The following KIAA1217 variants were observed in gnomAD, a reference collection of about 807,000 sequenced individuals.
KIAA1217 encodes the protein KIAA1217.
In KIAA1217, 88 loss-of-function variants were observed where a neutral mutation model predicts 163.9. The ratio of observed to expected loss-of-function variants is 0.54; its 90% CI spans 0.45 to 0.64. The LOEUF is 0.64. Among genes scored for constraint, KIAA1217 ranks in the 30% least tolerant of loss-of-function variants. KIAA1217 has a pLI of 0.00. For missense variants in KIAA1217, 2,372 were observed against 2,475.0 expected, an observed-to-expected ratio of 0.96 and a Z score of 0.88; for synonymous variants, 903 against 923.1, an observed-to-expected ratio of 0.98 and a Z score of 0.39.
chr10:24,049,438 G>C (rs1849322674), intron 2 of KIAA1217, among the ~76,000 whole-genome samples: 1 of 151,970 alleles, frequency 6.6e-6, no homozygotes, highest in Admixed American at 6.5e-5. Context: ...TTTAAGTTCT[G>C]GGGTACATGT....
At chr10:24,279,812 T>TA (rs992023266) in intron 2 of KIAA1217, among the ~76,000 whole-genome samples, 1 of 152,106 alleles carries the variant, frequency 6.6e-6, no homozygotes, top group African/African-American at 2.4e-5. Flanking sequence ...GTTATTATGG[T>TA]AAAAAAATAA....
intron 1 of KIAA1217, among the ~76,000 whole-genome samples, chr10:23,920,958 G>A (rs1842828418): frequency 6.6e-6 from 1 of 152,146 alleles, no homozygotes; most frequent in Admixed American, 6.6e-5. Context: ...TCTCTTGCCT[G>A]CCACCATGTA....
chr10:24,061,599 A>G (rs530383907), intron 2 of KIAA1217, among the ~76,000 whole-genome samples: 1 of 152,276 alleles, frequency 6.6e-6, no homozygotes, highest in Admixed American at 6.5e-5. Context: ...TCAGCTCTGT[A>G]TGTCCTGAAA....
chr10:24,415,063 G>A (rs2058114479), intron 3 of KIAA1217, among the ~76,000 whole-genome samples: 1 of 151,392 alleles, frequency 6.6e-6, no homozygotes, highest in Non-Finnish European at 1.5e-5. Context: ...GTCCCTGCAT[G>A]GTTGGAGGCC....
chr10:24,003,526 C>A (rs922300127), intron 1 of KIAA1217, among the ~76,000 whole-genome samples: 7 of 152,112 alleles, frequency 4.6e-5, no homozygotes, highest in African/African-American at 1.7e-4. Flanking sequence ...TCAACTGTTT[C>A]ACATTTGATG....
intron 1 of KIAA1217, among the ~76,000 whole-genome samples, chr10:23,887,134 G>T (rs1261061625): frequency 1.3e-5 from 2 of 151,772 alleles, no homozygotes; most frequent in Non-Finnish European, 2.9e-5. Flanking sequence ...ACATCATTTA[G>T]TTCCTCTGAA....
intron 9 of KIAA1217, among the ~76,000 whole-genome samples, chr10:24,506,994 G>A (rs949572733): frequency 2.6e-5 from 4 of 152,202 alleles, no homozygotes; most frequent in African/African-American, 4.8e-5. Context: ...AAAAGTTCCC[G>A]AAGTTCACAC....
chr10:23,765,540 T>C (rs138378594), intron 1 of KIAA1217, among the ~76,000 whole-genome samples: 1 of 152,110 alleles, frequency 6.6e-6, no homozygotes, highest in African/African-American at 2.4e-5. Flanking sequence ...TGGCTCTGTG[T>C]CCCCACCCAA....
intron 2 of KIAA1217, among the ~76,000 whole-genome samples, chr10:24,304,670 C>T (rs570935463): frequency 6.6e-6 from 1 of 152,232 alleles, no homozygotes; most frequent in Admixed American, 6.5e-5. Context: ...CCCCTTCAGA[C>T]AGTTCTTCTT....
intron 2 of KIAA1217, among the ~76,000 whole-genome samples, chr10:24,363,306 A>G (rs1288385110): frequency 1.3e-5 from 2 of 152,152 alleles, no homozygotes; most frequent in Non-Finnish European, 2.9e-5. Context: ...GCATTAGGAA[A>G]GAAACTCTGA....
intron 2 of KIAA1217, among the ~76,000 whole-genome samples, chr10:24,122,026 G>A (rs1466247292): frequency 6.6e-6 from 1 of 151,954 alleles, no homozygotes; most frequent in Non-Finnish European, 1.5e-5. Context: ...TTTTATTTTA[G>A]ATTGAGAGGG....
intron 2 of KIAA1217, among the ~76,000 whole-genome samples, chr10:24,036,273 G>A (rs61849231): frequency 0.25 from 37,867 of 152,132 alleles, 5,676 homozygotes; most frequent in Middle Eastern, 0.44. Flanking sequence ...TCTCTCTTTG[G>A]TGAGGATTTA....
At chr10:24,159,110 G>A (rs555713999) in intron 2 of KIAA1217, among the ~76,000 whole-genome samples, 2 of 152,296 alleles carry the variant, frequency 1.3e-5, no homozygotes, top group South Asian at 2.1e-4. Context: ...TAGTCTTCAT[G>A]AGAAGGTGGG....
intron 1 of KIAA1217, among the ~76,000 whole-genome samples, chr10:23,777,795 A>G (rs536359289): frequency 6.6e-6 from 1 of 152,188 alleles, no homozygotes; most frequent in African/African-American, 2.4e-5. Context: ...CACTATAAGG[A>G]AAGAATAAAG....
chr10:23,918,487 A>G (rs1389537766), intron 1 of KIAA1217, among the ~76,000 whole-genome samples: 1 of 152,094 alleles, frequency 6.6e-6, no homozygotes, highest in Admixed American at 6.5e-5. Context: ...CTTTGCATGC[A>G]GTCTGCTGCA....
intron 3 of KIAA1217, among the ~76,000 whole-genome samples, chr10:24,416,816 G>A (rs1474077768): frequency 1.3e-5 from 2 of 151,978 alleles, no homozygotes; most frequent in Non-Finnish European, 2.9e-5. Flanking sequence ...TCAACTACAC[G>A]GGCAGGTTCC....
chr10:23,818,971 T>A (rs915252842), intron 1 of KIAA1217, among the ~76,000 whole-genome samples: 1 of 152,212 alleles, frequency 6.6e-6, no homozygotes, highest in Non-Finnish European at 1.5e-5. Flanking sequence ...ACATAATGTG[T>A]TTAAAATGAT....
chr10:24,006,155 G>T (rs763370009), intron 1 of KIAA1217, among the ~76,000 whole-genome samples: 16 of 152,110 alleles, frequency 1.1e-4, no homozygotes, highest in African/African-American at 3.9e-4. Context: ...TAAATTGTAT[G>T]GTCATAGCCA....
chr10:24,189,658 A>G (rs971464984), intron 2 of KIAA1217, among the ~76,000 whole-genome samples: 1 of 152,220 alleles, frequency 6.6e-6, no homozygotes, highest in African/African-American at 2.4e-5. Context: ...TGGAGATCCA[A>G]AGACCTAGGG....
Sources: allele counts gnomAD v4.1 joint callset (sites outside exome capture counted in the v4.1 genomes callset), GRCh38; gene constraint gnomAD v4.1.1; transcripts MANE v1.5; gene names NCBI Gene and HGNC (gene_info 2026-07-23, HGNC 2026-07-21).